Variants in USP42 observed in about 807,000 individuals in gnomAD.
USP42 encodes the protein ubiquitin specific peptidase 42, also known as ubiquitin carboxyl-terminal hydrolase 42.
In USP42, 23 loss-of-function variants were observed where a neutral mutation model predicts 113.0. That is an observed-to-expected ratio of 0.20 (90% confidence interval 0.15 to 0.29). USP42 has a LOEUF of 0.29. Ranked by LOEUF, USP42 falls within the 10% of genes least tolerant of loss-of-function variation. The pLI is 1.00. For synonymous variants in USP42, 933 were observed against 699.0 expected (o/e 1.33, Z -5.28); for missense variants, 2,174 against 1,779.8 (o/e 1.22, Z -3.99).
At chr7:6,086,099 G>A in the USP42 span, among the ~76,000 whole-genome samples, 3 of 148,362 alleles carry the variant, frequency 2.0e-5, no homozygotes, top group East Asian at 6.0e-4. Context: ...GCAATGCCAA[G>A]ATCTTGGCTC....
At position 6,129,587 on chromosome 7, in the gene USP42, G is replaced by A. The variant is rs574385852; in HGVS notation, c.443-6254G>A. Among the ~76,000 whole-genome samples, 5 of 149,644 alleles carry A rather than the reference G, an allele frequency of 3.3e-5. No individual in the cohort carries two copies. The South Asian group carries it at 6.4e-4, about 19-fold the overall frequency. On this transcript the variant is annotated intron_variant, in intron 3 of 17. Transcript: ENST00000306177. The stretch of plus-strand genomic sequence containing the variant: ...AAAAAAAAAAAAAAAAGGACGAGGC[G>A]CGGTGGCTCATGCCTGTAATCCCAG...
chr7:6,156,548 C>T (rs529175461), intron 15 of USP42, among the ~76,000 whole-genome samples: 7 of 152,082 alleles, frequency 4.6e-5, no homozygotes, highest in Non-Finnish European at 7.4e-5. Context: ...CTCCTGGGCT[C>T]AAGTGATCCT....
intron 3 of USP42, among the ~76,000 whole-genome samples, chr7:6,133,807 AC>A (rs1187279743): frequency 2.0e-5 from 3 of 151,860 alleles, no homozygotes; most frequent in Admixed American, 1.3e-4. Context: ...GGCGTAAGCC[AC>A]CGCACCTGGT....
chr7:6,130,032 C>T (rs1780763327), intron 3 of USP42, among the ~76,000 whole-genome samples: 1 of 152,060 alleles, frequency 6.6e-6, no homozygotes, highest in African/African-American at 2.4e-5. Context: ...GTTGTCCAGG[C>T]TGGAGTGCAG....
intron 3 of USP42, among the ~76,000 whole-genome samples, chr7:6,127,060 A>G (rs984542371): frequency 6.6e-6 from 1 of 152,136 alleles, no homozygotes; most frequent in Non-Finnish European, 1.5e-5. Context: ...TGTGGCTTTC[A>G]TTTGCATTTC....
rs1230332437 is a variant in USP42 at position 6,149,636 on chromosome 7, C to T, written c.1440C>T (p.Ser480=). The T allele has an allele frequency of 1.9e-6, 3 of 1,613,950 alleles. No homozygotes were observed. Among genetic ancestry groups the T allele is most frequent in the Admixed American group, 3.3e-5 (2 of 60,016 alleles). The change falls in exon 13 of 18, where the codon TCC becomes TCT. Residue 480 remains serine (S), a synonymous_variant. Transcript: ENST00000306177. ...TGPLKDTPSS[S]MSSPNGNSSV... ...CATTGAAAGACACGCCAAGCAGTTC[C>T]ATGTCGAGTCCTAACGGGAATTCCA...
intron 9 of USP42, among the ~76,000 whole-genome samples, chr7:6,145,116 G>A (rs12533027): frequency 0.11 from 16,929 of 152,020 alleles, 1,311 homozygotes; most frequent in Admixed American, 0.2. Flanking sequence ...GGTGGATCAC[G>A]AGGTCAGGCG....
chr7:6,117,912 G>A (rs146496458), intron 3 of USP42, among the ~76,000 whole-genome samples: 7 of 152,000 alleles, frequency 4.6e-5, no homozygotes, highest in East Asian at 3.8e-4. Context: ...TCTTTTGCCC[G>A]TTTGAAAACT....
intron 3 of USP42, among the ~76,000 whole-genome samples, chr7:6,119,308 A>G (rs932405512): frequency 1.4e-4 from 22 of 152,150 alleles, no homozygotes; most frequent in Non-Finnish European, 8.8e-5. Context: ...CCTCGTCTTT[A>G]CAAAAAATAA....
rs755393243 is a variant in USP42 at position 6,153,841 on chromosome 7, C to G, written c.2287C>G (p.Pro763Ala). Residue 763 changes from proline to alanine, a missense_variant, in exon 15 of 18, where the codon CCA (proline) becomes GCA (alanine). Pro to Ala is a conservative substitution (Grantham distance 27, BLOSUM62 -1). Coordinates refer to ENST00000306177, the MANE Select transcript of USP42 (RefSeq NM_032172.3). Reference protein sequence around the residue: ...GSPAAESLEEPDAAAGLSSTK... With the variant: ...GSPAAESLEEADAAAGLSSTK... Reference sequence around the variant, plus strand: ...CCCCGCCGCCGAATCCCTGGAGGAGCCAGATGCGGCCGCCGGCCTCAGCAG... The same window carrying G: ...CCCCGCCGCCGAATCCCTGGAGGAGGCAGATGCGGCCGCCGGCCTCAGCAG... 1.7e-5 allele frequency: 26 copies of G among 1,545,510 alleles called. No homozygotes were observed. Among genetic ancestry groups the G allele is most frequent in the Non-Finnish European group, 2.3e-5 (26 of 1,145,422 alleles).
Position 6,117,590 on chromosome 7 carries a change from T to A in USP42, c.442+2067T>A, listed in dbSNP as rs568015665. 4.6e-5 allele frequency among the ~76,000 whole-genome samples: 7 copies of A among 152,242 alleles called. 1 individual carries two copies. Among genetic ancestry groups the A allele is most frequent in the African/African-American group, 1.7e-4 (7 of 41,544 alleles). On this transcript the variant is annotated intron_variant, in intron 3 of 17. Coordinates refer to ENST00000306177, the MANE Select transcript of USP42 (RefSeq NM_032172.3). ...TAAAATGGCTTGGTCCTGGGGTGGG[T>A]GTGTACTTTAACATTTTAAGAGACT...
At chr7:6,147,646 C>T (rs920736507) in intron 11 of USP42, 93 bp from the exon 12 acceptor site, 28 of 1,417,332 alleles carry the variant, frequency 2.0e-5, no homozygotes, top group Admixed American at 1.3e-4. Context: ...ATCAGGTTTC[C>T]GCCTGAGGGG....
Position 6,153,863 on chromosome 7 carries a change from G to A in USP42, c.2309G>A (p.Ser770Asn), listed in dbSNP as rs1042351372. ...LEEPDAAAGL[S>N]STKKAPPPRD... is the part of the protein sequence containing the mutation. ...GAGCCAGATGCGGCCGCCGGCCTCAGCAGCACCAAGAAGGCTCCGCCGCCC... is the reference window on the plus strand; with the variant it reads ...GAGCCAGATGCGGCCGCCGGCCTCAACAGCACCAAGAAGGCTCCGCCGCCC... The change falls in exon 15 of 18, where the codon AGC becomes AAC. Residue 770 changes from serine to asparagine, a missense_variant. By Grantham distance (46) the Ser-to-Asn change is conservative. Coordinates refer to ENST00000306177, the MANE Select transcript of USP42 (RefSeq NM_032172.3). 43 of 1,555,938 alleles carry A rather than the reference G, an allele frequency of 2.8e-5. No individual in the cohort carries two copies. The highest frequency in any genetic ancestry group is 1.9e-5 in the Admixed American group (1 of 51,564).
In USP42 at chr7:6,157,971, C is replaced by A. The variant is rs1346044437; in HGVS notation, c.3943+916C>A. Among the ~76,000 whole-genome samples, 1 of 152,192 alleles carries A rather than the reference C, an allele frequency of 6.6e-6. No individual in the cohort carries two copies. The highest frequency in any genetic ancestry group is 1.5e-5 in the Non-Finnish European group (1 of 68,040). ...GCTCACCCTCGAGAGGAGCTGTGAG[C>A]CTGTTAGAAGCGGATGTCACTCGAG... On this transcript the variant is annotated intron_variant, in intron 16 of 17. Transcript: ENST00000306177. This position sits in a 1 kb window ranked among gnomAD's most constrained non-coding sequence, Gnocchi z 4.1.
In USP42 at chr7:6,156,935, G is replaced by T; in HGVS notation, c.3823G>T (p.Gly1275Cys). ...TGTCGCCCAGTTCCGGAGAGCCCAG[G>T]GTGGCTTTCCTCTCTCTGGTGGCCC... is the stretch of plus-strand genomic sequence containing the variant. Reference protein sequence around the residue: ...ETVAQFRRAQGGFPLSGGPPL... With the variant: ...ETVAQFRRAQCGFPLSGGPPL... Residue 1275 changes from glycine to cysteine, a missense_variant, in exon 16 of 18, where the codon GGT becomes TGT. Coordinates refer to ENST00000306177, the MANE Select transcript of USP42 (RefSeq NM_032172.3). 6.2e-7 allele frequency: 1 copy of T among 1,613,936 alleles called. No individual in the cohort carries two copies. Among genetic ancestry groups the T allele is most frequent in the South Asian group, 1.1e-5 (1 of 91,076 alleles).
the USP42 span, among the ~76,000 whole-genome samples, chr7:6,086,143 C>A: frequency 1.3e-5 from 2 of 149,842 alleles, no homozygotes; most frequent in Non-Finnish European, 2.9e-5. Flanking sequence ...TCAAGCAATT[C>A]TCCTGCCTCA....
the USP42 span, among the ~76,000 whole-genome samples, chr7:6,082,322 G>T: frequency 6.6e-6 from 1 of 151,958 alleles, no homozygotes; most frequent in Non-Finnish European, 1.5e-5. Context: ...TAGAGACGGG[G>T]TTTCACTGTG....
At chr7:6,086,721 CCTTTTT>C in the USP42 span, among the ~76,000 whole-genome samples, 1 of 146,270 alleles carries the variant, frequency 6.8e-6, no homozygotes, top group Non-Finnish European at 1.5e-5. Flanking sequence ...TTTTCCTTTT[CCTTTTT>C]CCTTTCCTTT....
intron 3 of USP42, among the ~76,000 whole-genome samples, chr7:6,123,458 T>C (rs1253886581): frequency 1.3e-5 from 2 of 152,036 alleles, no homozygotes; most frequent in Admixed American, 6.6e-5. Flanking sequence ...GCTCAGGAGA[T>C]CGAGACCATC....
Sources: gnomAD v4.1 joint callset for allele counts (sites outside exome capture counted in the v4.1 genomes callset) on GRCh38, gnomAD v4.1.1 for gene constraint, Gnocchi (gnomAD v3.1) non-coding constraint, MANE v1.5 for transcripts, NCBI Gene and HGNC (gene_info 2026-07-23, HGNC 2026-07-21) for gene names.